The following NEGR1 variants were observed in gnomAD, a reference collection of about 807,000 sequenced individuals.
The protein encoded by NEGR1 is neuronal growth regulator 1.
NEGR1 carries 10 observed loss-of-function variants against 40.9 expected under a neutral mutation model. The ratio of observed to expected loss-of-function variants is 0.24; its 90% CI spans 0.15 to 0.42. The LOEUF (loss-of-function observed/expected upper bound fraction) is 0.42. Among genes scored for constraint, NEGR1 ranks in the 10% least tolerant of loss-of-function variants. The probability of loss-of-function intolerance (pLI) is 1.00; values close to 1 mark genes in which losing one functional copy is unlikely to be tolerated. For missense variants in NEGR1, 352 were observed against 438.9 expected, an observed-to-expected ratio of 0.80 and a Z score of 1.77; for synonymous variants, 185 against 166.8, an observed-to-expected ratio of 1.11 and a Z score of -0.84.
At chr1:72,036,079 A>G (rs991704321) in intron 1 of NEGR1, among the ~76,000 whole-genome samples, 2 of 152,182 alleles carry the variant, frequency 1.3e-5, no homozygotes, top group Admixed American at 1.3e-4. Flanking sequence ...TACCAGAACT[A>G]TTTGATTCTT....
intron 3 of NEGR1, among the ~76,000 whole-genome samples, chr1:71,745,926 G>T (rs771744476): frequency 6.6e-6 from 1 of 152,044 alleles, no homozygotes; most frequent in Non-Finnish European, 1.5e-5. Context: ...ATTCCAAAGG[G>T]GTCCTACTCT....
chr1:72,048,143 T>A (rs1020593430), intron 1 of NEGR1, among the ~76,000 whole-genome samples: 1 of 151,598 alleles, frequency 6.6e-6, no homozygotes, highest in Admixed American at 6.6e-5. Context: ...ATCCTATGCA[T>A]CCCCGAAGAC....
intron 2 of NEGR1, among the ~76,000 whole-genome samples, chr1:71,802,617 G>C (rs1238948198): frequency 1.3e-5 from 2 of 152,134 alleles, no homozygotes; most frequent in Non-Finnish European, 2.9e-5. Context: ...GCTATGGAAG[G>C]GATGCTGCTG....
chr1:71,643,857 C>T (rs1312544451), intron 4 of NEGR1, among the ~76,000 whole-genome samples: 4 of 151,858 alleles, frequency 2.6e-5, no homozygotes, highest in African/African-American at 9.7e-5. Flanking sequence ...CATTAGCTTT[C>T]CTATGGATTT....
intron 1 of NEGR1, among the ~76,000 whole-genome samples, chr1:72,180,268 T>C (rs1186963824): frequency 6.6e-6 from 1 of 151,880 alleles, no homozygotes; most frequent in Non-Finnish European, 1.5e-5. Context: ...AAAAAGGATA[T>C]AAAGTGAATG....
intron 2 of NEGR1, among the ~76,000 whole-genome samples, chr1:71,779,891 A>G (rs1298227592): frequency 6.6e-6 from 1 of 152,046 alleles, no homozygotes; most frequent in Non-Finnish European, 1.5e-5. Context: ...AATAACCTTA[A>G]GGTAGGACTG....
At chr1:71,944,902 G>A (rs1000356989) in intron 1 of NEGR1, among the ~76,000 whole-genome samples, 5 of 151,996 alleles carry the variant, frequency 3.3e-5, no homozygotes, top group South Asian at 2.1e-4. Context: ...CTGTCTTCTC[G>A]AGAAAATGGA....
intron 1 of NEGR1, among the ~76,000 whole-genome samples, chr1:72,174,099 C>T (rs1392869851): frequency 6.6e-6 from 1 of 151,748 alleles, no homozygotes; most frequent in Non-Finnish European, 1.5e-5. Flanking sequence ...TTTAAAAAAA[C>T]TGTCAATTTT....
chr1:72,168,662 G>T lies in NEGR1; in HGVS notation c.176+113657C>A, dbSNP rs151281518. Among the ~76,000 whole-genome samples the T allele has an allele frequency of 6.9e-3, 1,052 of 152,282 alleles. 10 individuals are homozygous for T. The highest frequency in any genetic ancestry group is 0.024 in the African/African-American group (986 of 41,558). On this transcript the variant is annotated intron_variant, in intron 1 of 6. Coordinates refer to ENST00000357731, the MANE Select transcript of NEGR1 (RefSeq NM_173808.3). ...CCCAGCACTTTGGGAAGCCAAGGCA[G>T]GCAGATCGCTTGAGCCCAGGTGTTC...
intron 1 of NEGR1, among the ~76,000 whole-genome samples, chr1:71,998,147 A>G (rs762990171): frequency 6.6e-6 from 1 of 151,924 alleles, no homozygotes; most frequent in African/African-American, 2.4e-5. Flanking sequence ...CTGATTTTGC[A>G]ATTTACATAA....
chr1:71,829,620 T>A (rs1393100826), intron 2 of NEGR1, among the ~76,000 whole-genome samples: 1 of 151,774 alleles, frequency 6.6e-6, no homozygotes. Flanking sequence ...CTCTCTTTAG[T>A]CAGCTAGGAA....
chr1:71,736,024 T>C (rs1172149294), intron 3 of NEGR1, among the ~76,000 whole-genome samples: 3 of 152,118 alleles, frequency 2.0e-5, no homozygotes, highest in African/African-American at 7.2e-5. Context: ...GATAATACAC[T>C]TCACAACCTC....
intron 1 of NEGR1, among the ~76,000 whole-genome samples, chr1:71,954,880 A>G (rs1646106450): frequency 6.6e-6 from 1 of 152,162 alleles, no homozygotes; most frequent in Admixed American, 6.6e-5. Context: ...CATCATTGCC[A>G]TCATTTATTT....
At chr1:71,762,376 G>C (rs1198562365) in intron 3 of NEGR1, among the ~76,000 whole-genome samples, 1 of 151,788 alleles carries the variant, frequency 6.6e-6, no homozygotes, top group African/African-American at 2.4e-5. Flanking sequence ...TAGAGAGGTT[G>C]GCAAAGCAGA....
At chr1:71,791,885 A>G (rs1415751885) in intron 2 of NEGR1, among the ~76,000 whole-genome samples, 1 of 151,996 alleles carries the variant, frequency 6.6e-6, no homozygotes. Context: ...GAATAATGGA[A>G]CAAATTTGGA....
At chr1:72,048,651 G>A (rs1647025626) in intron 1 of NEGR1, among the ~76,000 whole-genome samples, 1 of 151,466 alleles carries the variant, frequency 6.6e-6, no homozygotes, top group African/African-American at 2.4e-5. Flanking sequence ...AATTTCTCTA[G>A]GGATCTAATA....
chr1:72,273,540 T>A (rs1655927506), intron 1 of NEGR1, among the ~76,000 whole-genome samples: 1 of 151,896 alleles, frequency 6.6e-6, no homozygotes, highest in Admixed American at 6.6e-5. Flanking sequence ...TTCAAACTTT[T>A]CTGCTTAAAC....
intron 4 of NEGR1, among the ~76,000 whole-genome samples, chr1:71,654,052 A>G (rs1651799821): frequency 6.6e-6 from 1 of 152,156 alleles, no homozygotes; most frequent in South Asian, 2.1e-4. Context: ...GATGGGGAGG[A>G]ACCTTCAAGT....
intron 1 of NEGR1, among the ~76,000 whole-genome samples, chr1:71,983,455 C>T (rs1646370368): frequency 6.6e-6 from 1 of 152,110 alleles, no homozygotes; most frequent in Non-Finnish European, 1.5e-5. Context: ...ACAGAATTTA[C>T]TCCTATGGAC....
Sources: gnomAD v4.1 joint callset for allele counts (sites outside exome capture counted in the v4.1 genomes callset) on GRCh38, gnomAD v4.1.1 for gene constraint, MANE v1.5 for transcripts, NCBI Gene and HGNC (gene_info 2026-07-23, HGNC 2026-07-21) for gene names.